The following FAM228B variants were observed in gnomAD, a reference collection of about 807,000 sequenced individuals.
The protein encoded by FAM228B is protein FAM228B.
Under a neutral mutation model 42.6 loss-of-function variants are expected in FAM228B, and 38 were observed. That is an observed-to-expected ratio of 0.89 (90% confidence interval 0.69 to 1.17). The LOEUF (loss-of-function observed/expected upper bound fraction) is 1.17, where lower values mean the gene tolerates loss of function less well. Ranked by LOEUF, FAM228B falls within the 50% of genes most tolerant of loss-of-function variation. The pLI is 0.00. For missense variants in FAM228B, 344 were observed against 367.3 expected, an observed-to-expected ratio of 0.94 and a Z score of 0.52; for synonymous variants, 109 against 122.3, an observed-to-expected ratio of 0.89 and a Z score of 0.72.
At chr2:24,139,589 G>C in intron 5 of FAM228B, 139 bp downstream of exon 5, 1 of 449,540 alleles carries the variant, frequency 2.2e-6, no homozygotes, top group Non-Finnish European at 4.0e-6. Flanking sequence ...CCTGATCTTA[G>C]AAAGGAACAA....
intron 3 of FAM228B, among the ~76,000 whole-genome samples, chr2:24,137,654 T>C (rs561752520): frequency 2.6e-5 from 4 of 152,192 alleles, no homozygotes; most frequent in Non-Finnish European, 5.9e-5. Context: ...CACCTTGCCT[T>C]GCTTTTGATT....
intron 2 of FAM228B, among the ~76,000 whole-genome samples, chr2:24,086,647 T>A (rs1300512694): frequency 6.6e-6 from 1 of 152,112 alleles, no homozygotes; most frequent in Admixed American, 6.6e-5. Context: ...ATTACAAGTA[T>A]GAGCCACTGT....
intron 7 of FAM228B, among the ~76,000 whole-genome samples, chr2:24,157,954 C>T (rs1002500258): frequency 4.6e-5 from 7 of 152,132 alleles, no homozygotes; most frequent in African/African-American, 1.7e-4. Flanking sequence ...CACAGTGCCA[C>T]ACTTTCCCTT....
chr2:24,131,622 T>A (rs949651101), intron 2 of FAM228B, among the ~76,000 whole-genome samples: 2 of 152,158 alleles, frequency 1.3e-5, no homozygotes, highest in African/African-American at 4.8e-5. Context: ...TGATTTGGCT[T>A]TCTACTTGTC....
At chr2:24,146,468 A>G (rs766590495) in intron 5 of FAM228B, among the ~76,000 whole-genome samples, 1 of 152,202 alleles carries the variant, frequency 6.6e-6, no homozygotes, top group Non-Finnish European at 1.5e-5. Flanking sequence ...ATTTGGGAAC[A>G]TATGGTAACA....
chr2:24,131,206 T>C (rs1419455934), intron 2 of FAM228B, among the ~76,000 whole-genome samples: 3 of 152,232 alleles, frequency 2.0e-5, no homozygotes, highest in Non-Finnish European at 4.4e-5. Flanking sequence ...TTGGTACCAG[T>C]ACCATGCTGT....
At chr2:24,096,425 G>C (rs947737579) in intron 3 of FAM228B, 1 of 152,200 alleles carries the variant, frequency 6.6e-6, no homozygotes, top group South Asian at 2.1e-4. Context: ...AAACAGTGTA[G>C]AGAATACCTT....
At chr2:24,148,982 G>T (rs757616799) in intron 7 of FAM228B, among the ~76,000 whole-genome samples, 5 of 152,190 alleles carry the variant, frequency 3.3e-5, no homozygotes, top group Non-Finnish European at 5.9e-5. Context: ...TATGATGTTT[G>T]TCTTTCTGTG....
At chr2:24,117,572 A>G (rs1327148737) in intron 3 of FAM228B, among the ~76,000 whole-genome samples, 2 of 151,874 alleles carry the variant, frequency 1.3e-5, no homozygotes, top group African/African-American at 2.4e-5. Flanking sequence ...CCTCCTGAGC[A>G]GCAGGGATTA....
chr2:24,125,966 A>G (rs1286777985), intron 2 of FAM228B, among the ~76,000 whole-genome samples: 1 of 152,166 alleles, frequency 6.6e-6, no homozygotes, highest in Non-Finnish European at 1.5e-5. Context: ...TTCACTCATC[A>G]TAATTATTTT....
Position 24,159,014 on chromosome 2 carries a change from C to T in FAM228B, c.687-2492C>T, listed in dbSNP as rs141284377. ...CAATCCAGCAATCCTTGGTGTTCCT[C>T]GGTTTATAGCCTTATCTCTGCAGTC... is the stretch of plus-strand genomic sequence containing the variant. On this transcript the variant is annotated intron_variant, in intron 7 of 10. Coordinates refer to ENST00000615575, the MANE Select transcript of FAM228B (RefSeq NM_001145710.2). Among the ~76,000 whole-genome samples the T allele has an allele frequency of 1.5e-3, 227 of 152,266 alleles. 3 individuals are homozygous for T. The highest frequency in any genetic ancestry group is 4.7e-3 in the African/African-American group (197 of 41,542).
intron 2 of FAM228B, among the ~76,000 whole-genome samples, chr2:24,094,373 C>T (rs572070163): frequency 1.3e-5 from 2 of 152,064 alleles, no homozygotes; most frequent in South Asian, 2.1e-4. Flanking sequence ...TGCCTAGCCT[C>T]CTCTCACATT....
chr2:24,165,054 A>T (rs1344457998), intron 9 of FAM228B, among the ~76,000 whole-genome samples: 1 of 152,206 alleles, frequency 6.6e-6, no homozygotes, highest in Non-Finnish European at 1.5e-5. Context: ...GAAACTGAGG[A>T]ACCAGAAAAA....
At chr2:24,083,178 G>A (rs779815702) in intron 2 of FAM228B, 2 of 1,566,310 alleles carry the variant, frequency 1.3e-6, no homozygotes, top group South Asian at 2.3e-5. Flanking sequence ...TGCACTAAGT[G>A]GTGAGCATGA....
At chr2:24,160,926 G>C (rs561102752) in intron 7 of FAM228B, among the ~76,000 whole-genome samples, 3 of 152,232 alleles carry the variant, frequency 2.0e-5, no homozygotes, top group South Asian at 4.2e-4. Context: ...TGTTACTTTG[G>C]AGTTTAAGCT....
chr2:24,166,149 T>C (rs141173047), intron 9 of FAM228B: 1 of 150,544 alleles, frequency 6.6e-6, no homozygotes, highest in African/African-American at 2.4e-5. Flanking sequence ...CCTAAGGTAA[T>C]GATGGTTAAA....
At chr2:24,150,792 T>C (rs1667005185) in intron 7 of FAM228B, among the ~76,000 whole-genome samples, 1 of 152,186 alleles carries the variant, frequency 6.6e-6, no homozygotes, top group South Asian at 2.1e-4. Flanking sequence ...AAAAGTCTGC[T>C]GCCAGATGTG....
intron 2 of FAM228B, chr2:24,081,097 T>C: frequency 7.2e-7 from 1 of 1,383,754 alleles, no homozygotes; most frequent in South Asian, 1.4e-5. Flanking sequence ...ACAGGCATAT[T>C]CTATCAAGAT....
intron 5 of FAM228B, among the ~76,000 whole-genome samples, chr2:24,145,706 CT>C (rs34354190): frequency 0.74 from 84,691 of 114,174 alleles, 31,471 homozygotes; most frequent in South Asian, 0.89. Flanking sequence ...TTTTTTGTTC[CT>C]TTTTTTTTTT....
Sources: allele counts gnomAD v4.1 joint callset (sites outside exome capture counted in the v4.1 genomes callset), GRCh38; gene constraint gnomAD v4.1.1; transcripts MANE v1.5; gene names NCBI Gene and HGNC (gene_info 2026-07-23, HGNC 2026-07-21).